Variants in KRT73 observed in about 807,000 individuals in gnomAD.
The protein encoded by KRT73 is keratin 73.
A neutral mutation model predicts 47.2 loss-of-function variants in KRT73; 44 were observed. The observed-to-expected ratio is 0.93, with a 90% CI of 0.73 to 1.20. KRT73 has a LOEUF of 1.20. KRT73 is among the 50% of genes most tolerant of loss of function. KRT73 has a pLI of 0.00. For missense variants in KRT73, 713 were observed against 704.5 expected, an observed-to-expected ratio of 1.01 and a Z score of -0.14; for synonymous variants, 285 against 291.3, an observed-to-expected ratio of 0.98 and a Z score of 0.22.
At chr12:52,610,530 C>CGGGGGGGGGGCG in intron 7 of KRT73, 85 bp downstream of exon 7, 1 of 177,906 alleles carries the variant, frequency 5.6e-6, no homozygotes. Context: ...CAGCTCGCCG[C>CGGGGGGGGGGCG]CCCCTCCCCC....
At chr12:52,613,537 C>T in intron 5 of KRT73, 151 bp downstream of exon 5, 1 of 1,429,188 alleles carries the variant, frequency 7.0e-7, no homozygotes, top group Non-Finnish European at 9.2e-7. Flanking sequence ...AGAGCTGTGT[C>T]TTCTCCTCCC....
upstream of KRT73, among the ~76,000 whole-genome samples, chr12:52,621,292 G>GGGGGGGA (rs1940901189): frequency 1.3e-4 from 9 of 68,062 alleles, no homozygotes; most frequent in Admixed American, 5.2e-4. Flanking sequence ...AGAAAGAAAG[G>GGGGGGGA]GGGGGGGGGG....
chr12:52,614,343 A>T, intron 4 of KRT73: 1 of 469,736 alleles, frequency 2.1e-6, no homozygotes, highest in Non-Finnish European at 3.7e-6. Context: ...TTCAGTGGGA[A>T]CCCTTTAAGG....
At chr12:52,610,206 G>C (rs533173187) in intron 7 of KRT73, 1 of 215,226 alleles carries the variant, frequency 4.6e-6, no homozygotes, top group East Asian at 1.2e-4. Context: ...CTCCCAAGTA[G>C]CTAAGATTAC....
chr12:52,608,170 A>G lies in KRT73; in HGVS notation c.*26T>C, dbSNP rs767735555. The G allele has an allele frequency of 1.3e-6, 2 of 1,591,150 alleles. No individual in the cohort carries two copies. The highest frequency in any genetic ancestry group is 1.7e-6 in the Non-Finnish European group (2 of 1,167,152). The stretch of plus-strand genomic sequence containing the variant: ...GCAGTCTGCCAGGGCAAGGCAGACT[A>G]CTGGGAAATGGGCTGTGTTGCACTT... On this transcript the variant is annotated 3_prime_UTR_variant, in exon 9 of 9. Coordinates refer to ENST00000305748, the MANE Select transcript of KRT73 (RefSeq NM_175068.3).
upstream of KRT73, chr12:52,618,633 G>A: frequency 8.3e-7 from 1 of 1,202,250 alleles, no homozygotes; most frequent in Admixed American, 2.8e-5. Flanking sequence ...GGGAGCCATG[G>A]GCCTAATTTG....
At chr12:52,621,297 G>T (rs898309041), upstream of KRT73, among the ~76,000 whole-genome samples, 43 of 146,472 alleles carry the variant, frequency 2.9e-4, 1 homozygote, top group Admixed American at 1.5e-3. Flanking sequence ...GAAAGGGGGG[G>T]GGGGGGAGAG....
the KRT73 span, among the ~76,000 whole-genome samples, chr12:52,625,368 C>T: frequency 2.6e-5 from 4 of 152,030 alleles, no homozygotes; most frequent in Non-Finnish European, 4.4e-5. Flanking sequence ...TAGTTCATAC[C>T]GATGGCAAAT....
At chr12:52,627,448 T>TA in the KRT73 span, among the ~76,000 whole-genome samples, 2 of 152,296 alleles carry the variant, frequency 1.3e-5, no homozygotes, top group South Asian at 4.1e-4. Flanking sequence ...CTTCCTCCCC[T>TA]TGCTGCTCAA....
At chr12:52,612,552 T>C (rs755303359) in intron 5 of KRT73, 3 of 152,208 alleles carry the variant, frequency 2.0e-5, no homozygotes, top group Non-Finnish European at 2.9e-5. Flanking sequence ...TATTTTATCT[T>C]TGGTGCCAAC....
In KRT73 at chr12:52,607,941, A is replaced by G; in HGVS notation, c.*255T>C. ...GGACATGCAGGCAGAGAAAAGGCCA[A>G]GTCTTCTTCCAGAAGGGGAGGCTGA... On this transcript the variant is annotated 3_prime_UTR_variant, in exon 9 of 9. Coordinates refer to ENST00000305748, the MANE Select transcript of KRT73 (RefSeq NM_175068.3). 3 of 461,734 alleles carry G rather than the reference A, an allele frequency of 6.5e-6. No individual in the cohort carries two copies. The highest frequency in any genetic ancestry group is 1.1e-5 in the Non-Finnish European group (3 of 261,078). 28.6% of individuals were successfully genotyped at this position (461,734 alleles called of 1,614,324 possible).
chr12:52,616,681 G>T (rs774732631), intron 1 of KRT73, among the ~76,000 whole-genome samples: 2 of 152,100 alleles, frequency 1.3e-5, no homozygotes, highest in Non-Finnish European at 2.9e-5. Flanking sequence ...TGCCTGGACC[G>T]ATGTCCATGT....
chr12:52,616,894 G>T (rs1251109191), intron 1 of KRT73, among the ~76,000 whole-genome samples: 1 of 152,184 alleles, frequency 6.6e-6, no homozygotes, highest in Non-Finnish European at 1.5e-5. Flanking sequence ...TTGCTTTCAT[G>T]TCTGAATCTC....
intron 2 of KRT73, 44 bp downstream of exon 2, chr12:52,616,122 C>T (rs373757941): frequency 1.4e-5 from 23 of 1,609,874 alleles, no homozygotes; most frequent in Non-Finnish European, 2.0e-5. Context: ...CTGGGAAAGC[C>T]TCACCCTGGG....
upstream of KRT73, among the ~76,000 whole-genome samples, chr12:52,619,100 C>G (rs1285387201): frequency 1.3e-5 from 2 of 152,244 alleles, no homozygotes; most frequent in Admixed American, 1.3e-4. Context: ...GGACCAGCCT[C>G]TGGCTGCCAG....
the KRT73 span, among the ~76,000 whole-genome samples, chr12:52,625,615 C>A: frequency 6.6e-6 from 1 of 152,184 alleles, no homozygotes; most frequent in African/African-American, 2.4e-5. Flanking sequence ...TCATACATCC[C>A]AGCAATTACA....
the KRT73 span, among the ~76,000 whole-genome samples, chr12:52,624,031 C>T: frequency 4.6e-5 from 7 of 151,896 alleles, no homozygotes; most frequent in Admixed American, 1.3e-4. Flanking sequence ...CAGAGATTGG[C>T]GGAGTATATT....
chr12:52,621,136 A>C (rs61249274), upstream of KRT73, among the ~76,000 whole-genome samples: 8,094 of 151,902 alleles, frequency 0.053, 726 homozygotes, highest in African/African-American at 0.18. Context: ...TATATTTCAC[A>C]TCCCTTATAT....
At chr12:52,630,545 C>A in the KRT73 span, among the ~76,000 whole-genome samples, 2 of 152,192 alleles carry the variant, frequency 1.3e-5, no homozygotes, top group African/African-American at 4.8e-5. Flanking sequence ...CCTTCCTGCA[C>A]CCACCTATGC....
Sources: allele counts gnomAD v4.1 joint callset (sites outside exome capture counted in the v4.1 genomes callset), GRCh38; gene constraint gnomAD v4.1.1; transcripts MANE v1.5; gene names NCBI Gene and HGNC (gene_info 2026-07-23, HGNC 2026-07-21).